Variants in ADAM18 observed in about 807,000 individuals in gnomAD.
ADAM18 encodes disintegrin and metalloproteinase domain-containing protein 18.
A neutral mutation model predicts 94.4 loss-of-function variants in ADAM18; 117 were observed. The ratio of observed to expected loss-of-function variants is 1.24; its 90% CI spans 1.07 to 1.45. ADAM18 has a LOEUF of 1.45. Among genes scored for constraint, ADAM18 ranks in the 40% most tolerant of loss-of-function variants. ADAM18 has a pLI of 0.00. For missense variants in ADAM18, 936 were observed against 880.0 expected, an observed-to-expected ratio of 1.06 and a Z score of -0.81; for synonymous variants, 327 against 291.6, an observed-to-expected ratio of 1.12 and a Z score of -1.24.
intron 15 of ADAM18, among the ~76,000 whole-genome samples, chr8:39,679,765 C>G (rs1349545): frequency 1.3e-5 from 2 of 151,958 alleles, no homozygotes; most frequent in African/African-American, 4.8e-5. Flanking sequence ...AAAATATGAA[C>G]GGTCTAAGAC....
At chr8:39,727,505 A>G (rs2129582009) in intron 19 of ADAM18, among the ~76,000 whole-genome samples, 1 of 152,308 alleles carries the variant, frequency 6.6e-6, no homozygotes, top group South Asian at 2.1e-4. Flanking sequence ...TCTCTGCCAG[A>G]TATCCTATAT....
chr8:39,651,507 T>C (rs1820535318), intron 12 of ADAM18, among the ~76,000 whole-genome samples: 1 of 152,080 alleles, frequency 6.6e-6, no homozygotes, highest in African/African-American at 2.4e-5. Flanking sequence ...GATTAGGGAG[T>C]GGTGATGACT....
chr8:39,640,406 C>A (rs950072874), intron 10 of ADAM18, among the ~76,000 whole-genome samples: 3 of 152,086 alleles, frequency 2.0e-5, no homozygotes, highest in Admixed American at 2.0e-4. Flanking sequence ...ATATGTACCA[C>A]ATTTTCTTTA....
chr8:39,727,189 C>T (rs1224916433), intron 19 of ADAM18, among the ~76,000 whole-genome samples: 1 of 152,106 alleles, frequency 6.6e-6, no homozygotes, highest in East Asian at 1.9e-4. Context: ...TACAAAGGTC[C>T]CTGAAATGTA....
At chr8:39,612,188 G>A (rs766337280) in intron 6 of ADAM18, among the ~76,000 whole-genome samples, 2 of 151,962 alleles carry the variant, frequency 1.3e-5, no homozygotes, top group Non-Finnish European at 2.9e-5. Context: ...CAGCCAGGAA[G>A]GTTATCTCCC....
At chr8:39,722,217 G>GTGTGTA (rs1822777714) in intron 18 of ADAM18, among the ~76,000 whole-genome samples, 14 of 91,536 alleles carry the variant, frequency 1.5e-4, no homozygotes, top group Non-Finnish European at 2.2e-4. Flanking sequence ...GTGTGTGTGT[G>GTGTGTA]TATATATATA....
intron 16 of ADAM18, among the ~76,000 whole-genome samples, chr8:39,691,472 T>C (rs942407216): frequency 1.3e-5 from 2 of 152,084 alleles, no homozygotes; most frequent in East Asian, 3.8e-4. Context: ...CACTACTGGG[T>C]GTTTATTCAA....
intron 7 of ADAM18, among the ~76,000 whole-genome samples, chr8:39,636,239 G>A (rs1820073955): frequency 6.6e-6 from 1 of 151,954 alleles, no homozygotes. Context: ...CCACGCCTCA[G>A]TCTCCCAAAG....
chr8:39,586,797 T>TATCTATCTATC (rs1554500926), intron 2 of ADAM18, among the ~76,000 whole-genome samples: 3 of 131,764 alleles, frequency 2.3e-5, no homozygotes, highest in African/African-American at 7.7e-5. Flanking sequence ...TCTATCTATC[T>TATCTATCTATC]ATCTATATCT....
At chr8:39,709,853 T>A (rs896028241) in intron 18 of ADAM18, among the ~76,000 whole-genome samples, 1 of 152,228 alleles carries the variant, frequency 6.6e-6, no homozygotes, top group East Asian at 1.9e-4. Flanking sequence ...TAAAGGCATG[T>A]TGATCAATGT....
chr8:39,616,777 C>T (rs1474989747), intron 6 of ADAM18, among the ~76,000 whole-genome samples: 1 of 152,126 alleles, frequency 6.6e-6, no homozygotes, highest in East Asian at 1.9e-4. Flanking sequence ...AAAATAATTT[C>T]TATTCAATAA....
At chr8:39,608,085 GA>G (rs565313071) in intron 3 of ADAM18, among the ~76,000 whole-genome samples, 10 of 149,186 alleles carry the variant, frequency 6.7e-5, no homozygotes, top group Non-Finnish European at 1.2e-4. Flanking sequence ...AGTTTTTCAG[GA>G]AAAAAAAACA....
chr8:39,603,484 A>G (rs1818969149), intron 2 of ADAM18, among the ~76,000 whole-genome samples: 1 of 152,212 alleles, frequency 6.6e-6, no homozygotes, highest in Non-Finnish European at 1.5e-5. Context: ...TTAGCAATAA[A>G]TCATTTTTTA....
chr8:39,677,623 A>G (rs1296555262), intron 15 of ADAM18, 87 bp downstream of exon 15: 3 of 831,876 alleles, frequency 3.6e-6, no homozygotes, highest in Non-Finnish European at 1.8e-6. Context: ...GAACACTAAA[A>G]TTTTATAACA....
At chr8:39,642,603 C>T (rs1820266024) in intron 10 of ADAM18, among the ~76,000 whole-genome samples, 2 of 151,996 alleles carry the variant, frequency 1.3e-5, no homozygotes, top group Middle Eastern at 3.4e-3. Context: ...TATTCTGTTC[C>T]ATTAGTCTAG....
chr8:39,712,916 C>T (rs941101905), intron 18 of ADAM18, among the ~76,000 whole-genome samples: 2 of 152,154 alleles, frequency 1.3e-5, no homozygotes, highest in Non-Finnish European at 2.9e-5. Context: ...CAATGAGTTT[C>T]TTCACAGAAT....
chr8:39,634,247 C>A (rs1412921339), intron 7 of ADAM18, among the ~76,000 whole-genome samples: 1 of 152,118 alleles, frequency 6.6e-6, no homozygotes, highest in Non-Finnish European at 1.5e-5. Flanking sequence ...CTGGTGCTAA[C>A]TCTCCAGGCT....
intron 17 of ADAM18, 147 bp downstream of exon 17, chr8:39,692,827 A>G (rs1018907518): frequency 3.8e-6 from 2 of 532,662 alleles, no homozygotes; most frequent in South Asian, 7.5e-5. Context: ...TTCAAACTAT[A>G]TAACATATTA....
At chr8:39,606,159 A>G (rs1207226922) in intron 2 of ADAM18, 148 bp from the exon 3 acceptor site, 4 of 530,016 alleles carry the variant, frequency 7.5e-6, no homozygotes, top group Admixed American at 8.2e-5. Flanking sequence ...TTATTAAGAT[A>G]TTAAATTCTT....
Sources: allele counts gnomAD v4.1 joint callset (sites outside exome capture counted in the v4.1 genomes callset), GRCh38; gene constraint gnomAD v4.1.1; transcripts MANE v1.5; gene names NCBI Gene and HGNC (gene_info 2026-07-23, HGNC 2026-07-21).